BPNT1: variants seen among roughly 807,000 people sequenced by gnomAD.
BPNT1 encodes 3'(2'),5'-bisphosphate nucleotidase 1.
Under a neutral mutation model 36.9 loss-of-function variants are expected in BPNT1, and 28 were observed. That is an observed-to-expected ratio of 0.76 (90% CI 0.56 to 1.04). The LOEUF (loss-of-function observed/expected upper bound fraction) is 1.04. BPNT1 is among the 50% of genes least tolerant of loss of function. BPNT1 has a pLI of 0.00. For missense variants in BPNT1, 313 were observed against 372.9 expected (o/e 0.84, Z 1.32); for synonymous variants, 119 against 130.9 (o/e 0.91, Z 0.62).
chr1:220,083,391 T>C (rs1174342285), intron 1 of BPNT1, among the ~76,000 whole-genome samples: 1 of 151,514 alleles, frequency 6.6e-6, no homozygotes, highest in South Asian at 2.1e-4. Context: ...CTCGGCTCAC[T>C]ACAAACTCCG....
chr1:220,059,243 C>CTTTTT (rs11292010), intron 8 of BPNT1, among the ~76,000 whole-genome samples: 752 of 57,810 alleles, frequency 0.013, no homozygotes, highest in African/African-American at 0.02. Flanking sequence ...ATTTTCTTTT[C>CTTTTT]TTTTTTTTTT....
At chr1:220,086,858 C>G (rs1366889961) in intron 1 of BPNT1, among the ~76,000 whole-genome samples, 5 of 151,580 alleles carry the variant, frequency 3.3e-5, no homozygotes, top group African/African-American at 1.2e-4. Context: ...GTGAGCCACT[C>G]CGCCCGGCCT....
chr1:220,079,356 G>A (rs1434558934), intron 2 of BPNT1, among the ~76,000 whole-genome samples: 2 of 151,832 alleles, frequency 1.3e-5, no homozygotes, highest in Admixed American at 6.6e-5. Context: ...GGGTTCAAGC[G>A]ATTCTCCTGC....
intron 2 of BPNT1, among the ~76,000 whole-genome samples, chr1:220,076,701 T>TTAATAA (rs144111730): frequency 0.03 from 4,346 of 144,116 alleles, 129 homozygotes; most frequent in East Asian, 0.11. Context: ...AAAAAATAAA[T>TTAATAA]TAATAATAAT....
At chr1:220,083,198 G>T (rs1655369805) in intron 1 of BPNT1, among the ~76,000 whole-genome samples, 1 of 144,030 alleles carries the variant, frequency 6.9e-6, no homozygotes. Context: ...GATCGTGCCA[G>T]TGCACTCCAG....
At chr1:220,066,867 G>C (rs1663579536) in intron 6 of BPNT1, 1 of 152,300 alleles carries the variant, frequency 6.6e-6, no homozygotes, top group Admixed American at 6.5e-5. Context: ...TCTTGAATGT[G>C]CTTCAGGAAC....
At chr1:220,066,150 A>C in intron 6 of BPNT1, 3 of 1,447,838 alleles carry the variant, frequency 2.1e-6, no homozygotes, top group Non-Finnish European at 2.8e-6. Context: ...TTCTAATCTC[A>C]GAAAGAAGTG....
In BPNT1 at chr1:220,085,288, AC is replaced by A. The variant is rs982193526; in HGVS notation, c.-9+4397del. Among the ~76,000 whole-genome samples the A allele has an allele frequency of 9.2e-5, 14 of 152,286 alleles. No homozygotes were observed. In the South Asian group the frequency reaches 1.7e-3, roughly 18 times the overall value. On this transcript the variant is annotated intron_variant, in intron 1 of 8. Transcript: ENST00000322067. ...ATAACACCATTGTACTTCTTTCTCT[AC>A]CAGTTTTACATCTTCTGGGCCTTAA...
At position 220,058,134 on chromosome 1, in the gene BPNT1, C is replaced by T; in HGVS notation, c.*710G>A. ...GAGCTTGCAGTGAGCCGAGATCACG[C>T]CACTACATTCTAGCCTAGGCTACAG... On this transcript the variant is annotated 3_prime_UTR_variant, in exon 9 of 9. Coordinates refer to ENST00000322067, the MANE Select transcript of BPNT1 (RefSeq NM_006085.6). 1 of 954,382 alleles carries T rather than the reference C, an allele frequency of 1.0e-6. No homozygotes were observed. Among genetic ancestry groups the T allele is most frequent in the Admixed American group, 5.0e-5 (1 of 19,938 alleles). 59.1% of individuals were successfully genotyped at this position (954,382 alleles called of 1,614,324 possible). A position where few individuals can be genotyped will look rare whatever the true frequency, so the allele number is the denominator to read the frequency against.
intron 1 of BPNT1, among the ~76,000 whole-genome samples, chr1:220,086,220 T>C (rs972602285): frequency 6.6e-6 from 1 of 152,114 alleles, no homozygotes; most frequent in Admixed American, 6.6e-5. Flanking sequence ...TTTCAAATCA[T>C]GGGGGAAATT....
chr1:220,072,560 C>A (rs916881280), intron 4 of BPNT1, among the ~76,000 whole-genome samples: 1 of 152,140 alleles, frequency 6.6e-6, no homozygotes, highest in Admixed American at 6.5e-5. Flanking sequence ...AGCAATCCAA[C>A]CACCTCGGCC....
chr1:220,075,324 G>C (rs1179148679), intron 2 of BPNT1, among the ~76,000 whole-genome samples: 1 of 152,194 alleles, frequency 6.6e-6, no homozygotes, highest in Non-Finnish European at 1.5e-5. Context: ...TTACAGGTGT[G>C]AGCCAGTGCA....
At chr1:220,069,545 A>AAT in intron 4 of BPNT1, 113 bp from the exon 5 acceptor site, 1 of 706,154 alleles carries the variant, frequency 1.4e-6, no homozygotes, top group Non-Finnish European at 2.3e-6. Context: ...TGTATTATGG[A>AAT]TGGCTTAAAT....
intron 8 of BPNT1, among the ~76,000 whole-genome samples, chr1:220,059,243 C>CTT (rs11292010): frequency 1.8e-3 from 106 of 57,852 alleles, no homozygotes; most frequent in African/African-American, 3.5e-3. Flanking sequence ...ATTTTCTTTT[C>CTT]TTTTTTTTTT....
rs779575795 is a variant in BPNT1 at position 220,058,862 on chromosome 1, T to TTTAATA, written c.903_908dup (p.Ile302_Lys303insAsnIle). 1 of 1,614,172 alleles carries TTTAATA rather than the reference T, an allele frequency of 6.2e-7. No homozygotes were observed. The highest frequency in any genetic ancestry group is 8.5e-7 in the Non-Finnish European group (1 of 1,180,006). ...CTTTCCTTTAAGGAACAAGTGCATTTTTAATAGATTCTGGAACTCGGCTTG... is the reference window on the plus strand; with the variant it reads ...CTTTCCTTTAAGGAACAAGTGCATTTTTAATATTAATAGATTCTGGAACTCGGCTTG... On this transcript the variant is annotated inframe_insertion, in exon 9 of 9. Transcript: ENST00000322067.
At position 220,062,142 on chromosome 1, in the gene BPNT1, C is replaced by CT. The variant is rs973508667; in HGVS notation, c.672+614dup. Among the ~76,000 whole-genome samples, 735 of 146,898 alleles carry CT rather than the reference C, an allele frequency of 5.0e-3. 4 individuals carry two copies. The highest frequency in any genetic ancestry group is 0.011 in the African/African-American group (439 of 40,154). On this transcript the variant is annotated intron_variant, in intron 7 of 8. Coordinates refer to ENST00000322067, the MANE Select transcript of BPNT1 (RefSeq NM_006085.6). The stretch of plus-strand genomic sequence containing the variant: ...CTCCCATCTCTTTAAACGCTTATTT[C>CT]TTTTTTTTTTATTATTATACTTTAA...
chr1:220,079,226 T>C (rs114013073), intron 2 of BPNT1, among the ~76,000 whole-genome samples: 2,180 of 152,086 alleles, frequency 0.014, 19 homozygotes, highest in Non-Finnish European at 0.021. Context: ...TAAATAAAGA[T>C]CTTGGACGTA....
chr1:220,059,444 A>G (rs1413651546), intron 8 of BPNT1, among the ~76,000 whole-genome samples: 1 of 151,528 alleles, frequency 6.6e-6, no homozygotes, highest in East Asian at 1.9e-4. Context: ...ATAAGGGCTA[A>G]ATTAAATTAA....
At chr1:220,079,513 A>G (rs796955883) in intron 2 of BPNT1, among the ~76,000 whole-genome samples, 1 of 152,126 alleles carries the variant, frequency 6.6e-6, no homozygotes, top group South Asian at 2.1e-4. Context: ...CGGTCTCCCA[A>G]AGTACTGGGA....
Sources: gnomAD v4.1 joint callset for allele counts (sites outside exome capture counted in the v4.1 genomes callset) on GRCh38, gnomAD v4.1.1 for gene constraint, MANE v1.5 for transcripts, NCBI Gene and HGNC (gene_info 2026-07-23, HGNC 2026-07-21) for gene names.